Variants in BNC1 observed in about 807,000 individuals in gnomAD.
The protein encoded by BNC1 is basonuclin zinc finger protein 1.
A neutral mutation model predicts 66.5 loss-of-function variants in BNC1; 8 were observed. That is an observed-to-expected ratio of 0.12 (90% confidence interval 0.07 to 0.22). BNC1 has a LOEUF of 0.22. Ranked by LOEUF, BNC1 falls within the 10% of genes least tolerant of loss-of-function variation. The probability of loss-of-function intolerance (pLI) is 1.00; values close to 1 mark genes in which losing one functional copy is unlikely to be tolerated. For synonymous variants in BNC1, 454 were observed against 452.6 expected, an observed-to-expected ratio of 1.00 and a Z score of -0.04; for missense variants, 1,069 against 1,241.3, an observed-to-expected ratio of 0.86 and a Z score of 2.09.
Position 83,264,304 on chromosome 15 carries a change from T to C in BNC1, c.947A>G (p.Asp316Gly), listed in dbSNP as rs1193153863. The change falls in exon 4 of 5, where the codon GAC becomes GGC. Residue 316 changes from aspartate (D) to glycine (G), a missense_variant. This residue lies in a region of BNC1 where 82 missense variants were observed against 136.3 expected (regional missense o/e 0.60). Transcript: ENST00000345382. Reference sequence around the variant, plus strand: ...GCTGGAGTCACTTAAATGGGTGCTGTCTTCTTTTTTAGTAATAGCATCCGG... The same window carrying C: ...GCTGGAGTCACTTAAATGGGTGCTGCCTTCTTTTTTAGTAATAGCATCCGG... ...NCPDAITKKE[D>G]STHLSDSSSY... 11 of 1,614,124 alleles carry C rather than the reference T, an allele frequency of 6.8e-6. No individual in the cohort carries two copies. The highest frequency in any genetic ancestry group is 9.3e-6 in the Non-Finnish European group (11 of 1,180,032).
At chr15:83,283,633 C>G (rs1223012818) in intron 1 of BNC1, among the ~76,000 whole-genome samples, 1 of 152,214 alleles carries the variant, frequency 6.6e-6, no homozygotes, top group African/African-American at 2.4e-5. Context: ...AGGCCCACTT[C>G]CTGTCACTCC....
At chr15:83,281,111 G>C (rs1210162471) in intron 1 of BNC1, among the ~76,000 whole-genome samples, 4 of 152,214 alleles carry the variant, frequency 2.6e-5, no homozygotes, top group Admixed American at 6.5e-5. Flanking sequence ...TCTGTTCTCT[G>C]TTTATACCCA....
chr15:83,284,308 G>A (rs2038419661), intron 1 of BNC1, among the ~76,000 whole-genome samples: 2 of 151,858 alleles, frequency 1.3e-5, no homozygotes, highest in African/African-American at 4.8e-5. Context: ...CGGGACGTCG[G>A]GCAGGGACGG....
At position 83,264,264 on chromosome 15, in the gene BNC1, G is replaced by A. The variant is rs970818734; in HGVS notation, c.987C>T (p.Val329=). ...HLSDSSSYNI[V]TKFERTQLSP... is the part of the protein sequence containing the mutation. Reference sequence around the variant, plus strand: ...ATAACTGTGTCCTTTCAAACTTAGTGACAATGTTGTATGAGCTGGAGTCAC... The same window carrying A: ...ATAACTGTGTCCTTTCAAACTTAGTAACAATGTTGTATGAGCTGGAGTCAC... Residue 329 remains valine (V), a synonymous_variant, in exon 4 of 5, where the codon GTC becomes GTT. Coordinates refer to ENST00000345382, the MANE Select transcript of BNC1 (RefSeq NM_001717.4). The A allele has an allele frequency of 6.2e-7, 1 of 1,614,022 alleles. No individual in the cohort carries two copies. The highest frequency in any genetic ancestry group is 8.5e-7 in the Non-Finnish European group (1 of 1,180,044).
At position 83,263,438 on chromosome 15, in the gene BNC1, C is replaced by T; in HGVS notation, c.1813G>A (p.Gly605Arg). ...SGGLGKPFPEGERPCHRESVI... is the reference protein window; with the variant it reads ...SGGLGKPFPERERPCHRESVI... ...GATTCACGATGGCAGGGCCTCTCCC[C>T]TTCAGGGAAAGGCTTCCCTAAGCCT... Residue 605 changes from glycine to arginine, a missense_variant, in exon 4 of 5, where the codon GGG becomes AGG. By Grantham distance (125) the Gly-to-Arg change is moderately radical. This residue lies in a region of BNC1 where 657 missense variants were observed against 715.8 expected (regional missense o/e 0.92). Transcript: ENST00000345382. 1 of 1,614,242 alleles carries T rather than the reference C, an allele frequency of 6.2e-7. No individual in the cohort carries two copies. The highest frequency in any genetic ancestry group is 8.5e-7 in the Non-Finnish European group (1 of 1,180,050).
At chr15:83,262,042 CAT>C (rs1268677810) in intron 4 of BNC1, among the ~76,000 whole-genome samples, 1 of 140,596 alleles carries the variant, frequency 7.1e-6, no homozygotes, top group Non-Finnish European at 1.5e-5. Context: ...ACAACTAGTT[CAT>C]GTTTTTTTTT....
At chr15:83,283,738 C>T (rs1567197605) in intron 1 of BNC1, among the ~76,000 whole-genome samples, 1 of 152,226 alleles carries the variant, frequency 6.6e-6, no homozygotes, top group Non-Finnish European at 1.5e-5. Flanking sequence ...GAAAGACGGG[C>T]CACCTCGCGC....
chr15:83,280,369 G>A (rs2038365534), intron 1 of BNC1, among the ~76,000 whole-genome samples: 1 of 152,030 alleles, frequency 6.6e-6, no homozygotes, highest in Non-Finnish European at 1.5e-5. Context: ...ATCAGCCTGA[G>A]GAAAAAAATA....
intron 1 of BNC1, among the ~76,000 whole-genome samples, chr15:83,276,436 T>G (rs1160612956): frequency 1.3e-5 from 2 of 152,238 alleles, no homozygotes; most frequent in East Asian, 3.8e-4. Context: ...AACGAATGAT[T>G]GAACAAATCA....
chr15:83,271,604 G>A (rs556897900), intron 1 of BNC1, among the ~76,000 whole-genome samples: 4 of 152,222 alleles, frequency 2.6e-5, no homozygotes, highest in East Asian at 3.9e-4. Context: ...ATTGGTCTTG[G>A]GGGGTGAAAG....
intron 1 of BNC1, among the ~76,000 whole-genome samples, chr15:83,271,778 C>G (rs1293210634): frequency 6.6e-6 from 1 of 152,178 alleles, no homozygotes; most frequent in Non-Finnish European, 1.5e-5. Flanking sequence ...GTTCTAATGA[C>G]AGAAACTATT....
chr15:83,284,335 C>G (rs1327579720), intron 1 of BNC1, among the ~76,000 whole-genome samples, 195 bp downstream of exon 1: 1 of 151,792 alleles, frequency 6.6e-6, no homozygotes, highest in Non-Finnish European at 1.5e-5. Flanking sequence ...GAGCCCCAAC[C>G]CCCCCGCCGC....
chr15:83,278,528 T>C (rs994343117), intron 1 of BNC1, among the ~76,000 whole-genome samples: 1 of 152,156 alleles, frequency 6.6e-6, no homozygotes, highest in African/African-American at 2.4e-5. Context: ...TTTTAGAAAA[T>C]GCTAGGAAAC....
In BNC1 at chr15:83,283,522, T is replaced by C. The variant is rs1260801112; in HGVS notation, c.99+1008A>G. ...CCCAAGGCCAGGCTGGGCGGGACTG[T>C]TAAGGGAGCTCGAAGTCGGGGGCCG... On this transcript the variant is annotated intron_variant, in intron 1 of 4. Coordinates refer to ENST00000345382, the MANE Select transcript of BNC1 (RefSeq NM_001717.4). 7 of 984,954 alleles carry C rather than the reference T, an allele frequency of 7.1e-6. No individual in the cohort carries two copies. In the South Asian group the frequency reaches 1.4e-4, roughly 20 times the overall value. The allele number at this position is 984,954 out of a possible 1,614,324, so 61.0% of individuals were successfully genotyped here. A position where few individuals can be genotyped will look rare whatever the true frequency, so the allele number is the denominator to read the frequency against.
chr15:83,283,217 GAA>G, intron 1 of BNC1: 1 of 1,535,686 alleles, frequency 6.5e-7, no homozygotes, highest in Non-Finnish European at 8.7e-7. Context: ...CCGCATTTGT[GAA>G]AGTTTGGCTC....
chr15:83,264,360 A>G lies in BNC1; in HGVS notation c.891T>C (p.Phe297=). The change falls in exon 4 of 5, where the codon TTT becomes TTC. Residue 297 remains phenylalanine, a synonymous_variant. Transcript: ENST00000345382. ...SSFLTSSSTP[F]QVEKDQCLNC... is the part of the protein sequence containing the mutation. ...TTAAACACTGATCTTTTTCAACCTG[A>G]AATGGTGTGGAACTGGAAGTTAAGA... is the stretch of plus-strand genomic sequence containing the variant. The G allele has an allele frequency of 6.2e-7, 1 of 1,614,174 alleles. No homozygotes were observed. The highest frequency in any genetic ancestry group is 8.5e-7 in the Non-Finnish European group (1 of 1,180,028).
rs1277910462 is a variant in BNC1, at chr15:83,284,617, G to C, written c.12C>G (p.Arg4=). The C allele has an allele frequency of 7.0e-6, 7 of 999,696 alleles. No individual in the cohort carries two copies. Among genetic ancestry groups the C allele is most frequent in the Non-Finnish European group, 8.3e-6 (7 of 841,120 alleles). The allele number at this position is 999,696 out of a possible 1,614,324, so 61.9% of individuals were successfully genotyped here. The change falls in exon 1 of 5, where the codon CGC becomes CGG. Residue 4 remains arginine, a synonymous_variant. Coordinates refer to ENST00000345382, the MANE Select transcript of BNC1 (RefSeq NM_001717.4). MRR[R]PPSRGGRGAA... The stretch of plus-strand genomic sequence containing the variant: ...CCCCGCGTCCGCCCCGGCTCGGCGG[G>C]CGCCGCCGCATCCACGCTCCGGCCG...
chr15:83,273,901 T>C (rs1460054225), intron 1 of BNC1, among the ~76,000 whole-genome samples: 1 of 152,170 alleles, frequency 6.6e-6, no homozygotes, highest in East Asian at 1.9e-4. Flanking sequence ...GGATTTGAAT[T>C]GAGCTCAGAA....
At chr15:83,268,291 T>A (rs2038236883) in intron 1 of BNC1, 59 bp from the exon 2 acceptor site, 1 of 1,440,880 alleles carries the variant, frequency 6.9e-7, no homozygotes, top group Non-Finnish European at 9.8e-7. Context: ...AAACATTCAT[T>A]GTATTTCAAA....
Sources: gnomAD v4.1 joint callset for allele counts (sites outside exome capture counted in the v4.1 genomes callset) on GRCh38, gnomAD v4.1.1 for gene constraint, gnomAD v4.1.1 regional missense constraint, MANE v1.5 for transcripts, NCBI Gene and HGNC (gene_info 2026-07-23, HGNC 2026-07-21) for gene names.